Variants in CAMK1D observed in about 807,000 individuals in gnomAD.
CAMK1D encodes the protein calcium/calmodulin-dependent protein kinase type 1D.
CAMK1D carries 9 observed loss-of-function variants against 47.7 expected under a neutral mutation model. The observed-to-expected ratio is 0.19, with a 90% CI of 0.11 to 0.33. CAMK1D has a LOEUF of 0.33. Among genes scored for constraint, CAMK1D ranks in the 10% least tolerant of loss-of-function variants. The pLI is 1.00. For synonymous variants in CAMK1D, 184 were observed against 184.9 expected (o/e 0.99, Z 0.04); for missense variants, 291 against 488.7 (o/e 0.60, Z 3.81).
intron 8 of CAMK1D, among the ~76,000 whole-genome samples, chr10:12,824,226 G>A (rs912090531): frequency 2.0e-5 from 3 of 152,112 alleles, no homozygotes; most frequent in Admixed American, 2.0e-4. Flanking sequence ...GGCGCTGGCG[G>A]GTCTGGGGAG....
chr10:12,702,274 C>T (rs1370872068), intron 3 of CAMK1D, among the ~76,000 whole-genome samples: 1 of 152,168 alleles, frequency 6.6e-6, no homozygotes, highest in African/African-American at 2.4e-5. Context: ...TGAGGTCAAC[C>T]TCGAGGAGGT....
chr10:12,790,229 T>C (rs1243171129), intron 5 of CAMK1D, among the ~76,000 whole-genome samples: 1 of 152,222 alleles, frequency 6.6e-6, no homozygotes, highest in African/African-American at 2.4e-5. Context: ...GTTTCACAGA[T>C]GAGATGGGAA....
At chr10:12,825,532 G>T in intron 9 of CAMK1D, 41 bp from the exon 10 acceptor site, 1 of 1,590,966 alleles carries the variant, frequency 6.3e-7, no homozygotes, top group Non-Finnish European at 8.6e-7. Flanking sequence ...TTTCCGATTA[G>T]CTGAAATATT....
intron 3 of CAMK1D, among the ~76,000 whole-genome samples, chr10:12,739,266 A>G (rs1392205952): frequency 6.6e-6 from 1 of 151,840 alleles, no homozygotes; most frequent in East Asian, 1.9e-4. Context: ...ATACAAAATG[A>G]GATAGATACG....
At chr10:12,548,447 CTTTTTTTTTT>C (rs35061502) in intron 1 of CAMK1D, among the ~76,000 whole-genome samples, 2 of 81,186 alleles carry the variant, frequency 2.5e-5, no homozygotes, top group Admixed American at 1.5e-4. Flanking sequence ...CCATTTTAAG[CTTTTTTTTTT>C]TTTTTTTTTT....
intron 4 of CAMK1D, among the ~76,000 whole-genome samples, chr10:12,765,252 T>G (rs1836694484): frequency 6.6e-6 from 1 of 152,224 alleles, no homozygotes; most frequent in African/African-American, 2.4e-5. Flanking sequence ...TTAGTTTCTA[T>G]TAAAGAACAG....
chr10:12,823,410 G>A (rs1212616439), intron 8 of CAMK1D, among the ~76,000 whole-genome samples: 1 of 152,170 alleles, frequency 6.6e-6, no homozygotes, highest in African/African-American at 2.4e-5. Flanking sequence ...AGGAAAGACT[G>A]GGAGCAGAGC....
intron 2 of CAMK1D, among the ~76,000 whole-genome samples, chr10:12,567,454 C>T (rs1432244610): frequency 6.6e-6 from 1 of 152,192 alleles, no homozygotes; most frequent in Non-Finnish European, 1.5e-5. Context: ...TGAAAACCAT[C>T]TAGAGACGTT....
chr10:12,447,812 G>A (rs1588495635), intron 1 of CAMK1D, among the ~76,000 whole-genome samples: 1 of 152,146 alleles, frequency 6.6e-6, no homozygotes, highest in South Asian at 2.1e-4. Flanking sequence ...CTACAGGTAT[G>A]TATCACCATG....
At chr10:12,510,044 T>G (rs1034845543) in intron 1 of CAMK1D, among the ~76,000 whole-genome samples, 1 of 152,224 alleles carries the variant, frequency 6.6e-6, no homozygotes, top group Non-Finnish European at 1.5e-5. Flanking sequence ...ACAGAAATCA[T>G]GTAGGCAGAT....
At chr10:12,485,940 T>G (rs1834200201) in intron 1 of CAMK1D, among the ~76,000 whole-genome samples, 1 of 152,158 alleles carries the variant, frequency 6.6e-6, no homozygotes, top group Admixed American at 6.5e-5. Flanking sequence ...CTGGCTACCA[T>G]GTCACCCAGA....
chr10:12,405,107 A>G (rs948738442), intron 1 of CAMK1D, among the ~76,000 whole-genome samples: 10 of 152,188 alleles, frequency 6.6e-5, no homozygotes, highest in Non-Finnish European at 1.2e-4. Flanking sequence ...TTGAATTGAC[A>G]TCATTCAACC....
chr10:12,477,982 A>T (rs1833949943), intron 1 of CAMK1D, among the ~76,000 whole-genome samples: 1 of 150,336 alleles, frequency 6.7e-6, no homozygotes, highest in Non-Finnish European at 1.5e-5. Flanking sequence ...ATGCCTCTTT[A>T]TATCACCTTT....
intron 2 of CAMK1D, among the ~76,000 whole-genome samples, chr10:12,652,334 C>A (rs1266687334): frequency 6.6e-6 from 1 of 150,458 alleles, no homozygotes; most frequent in East Asian, 2.0e-4. Flanking sequence ...GTAATCCCAG[C>A]ACTTTGGGAG....
chr10:12,668,685 A>C (rs1321437272), intron 3 of CAMK1D, among the ~76,000 whole-genome samples: 2 of 152,210 alleles, frequency 1.3e-5, no homozygotes, highest in Non-Finnish European at 2.9e-5. Flanking sequence ...GATGGTCTTT[A>C]ATTTTATGAG....
At chr10:12,787,705 A>G (rs1837793216) in intron 5 of CAMK1D, among the ~76,000 whole-genome samples, 1 of 152,198 alleles carries the variant, frequency 6.6e-6, no homozygotes, top group Non-Finnish European at 1.5e-5. Context: ...AAGCACAATT[A>G]AGAAGGTCAC....
intron 3 of CAMK1D, among the ~76,000 whole-genome samples, chr10:12,681,197 G>A (rs1357425799): frequency 1.3e-5 from 2 of 152,216 alleles, no homozygotes; most frequent in African/African-American, 4.8e-5. Context: ...GAGCTGCTAC[G>A]GCTCTATCAT....
chr10:12,637,768 G>A (rs1839550609), intron 2 of CAMK1D, among the ~76,000 whole-genome samples: 1 of 152,114 alleles, frequency 6.6e-6, no homozygotes, highest in Admixed American at 6.5e-5. Context: ...TTGTGAGGCT[G>A]TGGTGCTATA....
chr10:12,350,974 G>T (rs970444842), intron 1 of CAMK1D, among the ~76,000 whole-genome samples: 1 of 152,150 alleles, frequency 6.6e-6, no homozygotes, highest in East Asian at 1.9e-4. Flanking sequence ...GTGCGTTGTT[G>T]GGTGCCCTTT....
Sources: allele counts gnomAD v4.1 joint callset (sites outside exome capture counted in the v4.1 genomes callset), GRCh38; gene constraint gnomAD v4.1.1; transcripts MANE v1.5; gene names NCBI Gene and HGNC (gene_info 2026-07-23, HGNC 2026-07-21).